MARCHF1: variants seen among roughly 807,000 people sequenced by gnomAD.
MARCHF1 encodes E3 ubiquitin-protein ligase MARCHF1.
A neutral mutation model predicts 54.2 loss-of-function variants in MARCHF1; 40 were observed. The ratio of observed to expected loss-of-function variants is 0.74; its 90% CI spans 0.57 to 0.96. The LOEUF (loss-of-function observed/expected upper bound fraction) is 0.96. Ranked by LOEUF, MARCHF1 falls within the 40% of genes least tolerant of loss-of-function variation. The pLI, the probability that MARCHF1 is intolerant of heterozygous loss-of-function variation, is 0.00. For synonymous variants in MARCHF1, 236 were observed against 236.3 expected, an observed-to-expected ratio of 1.00 and a Z score of 0.01; for missense variants, 586 against 656.5, an observed-to-expected ratio of 0.89 and a Z score of 1.17.
intron 3 of MARCHF1, among the ~76,000 whole-genome samples, chr4:163,880,119 AC>A (rs1750383483): frequency 6.6e-6 from 1 of 151,856 alleles, no homozygotes; most frequent in Non-Finnish European, 1.5e-5. Context: ...TTAACTAAAT[AC>A]TTTCAAAAAT....
intron 1 of MARCHF1, among the ~76,000 whole-genome samples, chr4:164,131,763 T>C (rs886140172): frequency 6.6e-5 from 10 of 152,118 alleles, no homozygotes; most frequent in South Asian, 2.1e-4. Flanking sequence ...ACAGCCACCA[T>C]ATTAATTAGT....
chr4:163,572,805 C>G (rs1373922650), intron 8 of MARCHF1, among the ~76,000 whole-genome samples: 1 of 152,094 alleles, frequency 6.6e-6, no homozygotes, highest in Non-Finnish European at 1.5e-5. Context: ...GGAAAAAATA[C>G]TGGGTATGCA....
chr4:163,724,120 C>T lies in MARCHF1; in HGVS notation c.112-23257G>A, dbSNP rs201700053. Among the ~76,000 whole-genome samples the T allele has an allele frequency of 2.0e-5, 3 of 152,212 alleles. No individual in the cohort carries two copies. In the East Asian group the frequency reaches 5.8e-4, roughly 29 times the overall value. ...GTACTCTAATTTTTAGAATTTTCAG[C>T]TTTTCTGCTCTGTTTTTTCCCCATC... On this transcript the variant is annotated intron_variant, in intron 4 of 9. Coordinates refer to ENST00000514618, the MANE Select transcript of MARCHF1 (RefSeq NM_001394959.1).
intron 1 of MARCHF1, among the ~76,000 whole-genome samples, chr4:164,139,541 C>A (rs141615846): frequency 0.015 from 2,191 of 150,570 alleles, 53 homozygotes; most frequent in African/African-American, 0.05. Flanking sequence ...AGAGAAAGGA[C>A]AACCTTCTGT....
intron 1 of MARCHF1, among the ~76,000 whole-genome samples, chr4:164,184,849 T>A (rs999311296): frequency 1.3e-5 from 2 of 152,134 alleles, no homozygotes; most frequent in Non-Finnish European, 2.9e-5. Flanking sequence ...CAAACCTACA[T>A]AGAGTATGTT....
At chr4:163,696,382 T>C (rs1419086802) in intron 5 of MARCHF1, among the ~76,000 whole-genome samples, 1 of 152,154 alleles carries the variant, frequency 6.6e-6, no homozygotes. Flanking sequence ...AATAATAATG[T>C]TCCATTTCAT....
At chr4:163,688,821 T>C (rs1744352766) in intron 5 of MARCHF1, among the ~76,000 whole-genome samples, 1 of 152,192 alleles carries the variant, frequency 6.6e-6, no homozygotes, top group African/African-American at 2.4e-5. Flanking sequence ...AGACTTTGAA[T>C]GTATGCTCTT....
intron 1 of MARCHF1, among the ~76,000 whole-genome samples, chr4:164,267,270 T>C (rs1292003433): frequency 2.0e-5 from 3 of 152,238 alleles, no homozygotes; most frequent in African/African-American, 2.4e-5. Context: ...TACCCTTATA[T>C]AATCTCTTCC....
chr4:164,137,554 A>T (rs2110843187), intron 1 of MARCHF1, among the ~76,000 whole-genome samples: 1 of 152,306 alleles, frequency 6.6e-6, no homozygotes, highest in African/African-American at 2.4e-5. Flanking sequence ...GCCAAATGCT[A>T]TGGATTAGGT....
At chr4:163,741,179 T>A (rs1197772075) in intron 4 of MARCHF1, among the ~76,000 whole-genome samples, 1 of 152,228 alleles carries the variant, frequency 6.6e-6, no homozygotes, top group Non-Finnish European at 1.5e-5. Context: ...AATTTTCTTA[T>A]ATGTAAAATT....
chr4:164,154,562 GCCA>G (rs1730026695), intron 1 of MARCHF1, among the ~76,000 whole-genome samples: 2 of 152,190 alleles, frequency 1.3e-5, no homozygotes, highest in Non-Finnish European at 2.9e-5. Context: ...TCTCTGTTCA[GCCA>G]CCACAAGCTC....
At chr4:163,576,733 TG>T (rs1740051493) in intron 8 of MARCHF1, among the ~76,000 whole-genome samples, 1 of 152,064 alleles carries the variant, frequency 6.6e-6, no homozygotes, top group African/African-American at 2.4e-5. Context: ...GCTTCAATGT[TG>T]GGAACGTATA....
chr4:164,214,985 C>T (rs1414093683), intron 1 of MARCHF1, among the ~76,000 whole-genome samples: 2 of 152,162 alleles, frequency 1.3e-5, no homozygotes, highest in Non-Finnish European at 2.9e-5. Flanking sequence ...ACGGCAGTGT[C>T]TAGGGGTGAA....
Position 163,528,792 on chromosome 4 carries a change from G to T in MARCHF1, c.1594C>A (p.Leu532Met). The T allele has an allele frequency of 6.2e-7, 1 of 1,612,978 alleles. No individual in the cohort carries two copies. Among genetic ancestry groups the T allele is most frequent in the East Asian group, 2.2e-5 (1 of 44,884 alleles). Residue 532 changes from leucine (L) to methionine (M), a missense_variant, in exon 10 of 10, where the codon CTG (leucine) becomes ATG (methionine). Around this residue, in one of 3 missense-constraint regions of MARCHF1, gnomAD observed 106 missense variants for 93.8 expected, o/e 1.13. Coordinates refer to ENST00000514618, the MANE Select transcript of MARCHF1 (RefSeq NM_001394959.1). Reference protein sequence around the residue: ...VPVPQTGANSLPSAEGGPPEV... With the variant: ...VPVPQTGANSMPSAEGGPPEV... ...GGGGGGCCACCCTCTGCAGATGGCAGTGAATTTGCACCTGTTTGTGGTACA... is the reference window on the plus strand; with the variant it reads ...GGGGGGCCACCCTCTGCAGATGGCATTGAATTTGCACCTGTTTGTGGTACA...
intron 1 of MARCHF1, among the ~76,000 whole-genome samples, chr4:164,305,732 T>C (rs996841346): frequency 2.6e-5 from 4 of 152,146 alleles, no homozygotes; most frequent in Non-Finnish European, 5.9e-5. Flanking sequence ...TAACACACAG[T>C]ATTTTCAAAA....
chr4:164,372,217 A>C (rs1329179488), intron 1 of MARCHF1, among the ~76,000 whole-genome samples: 1 of 152,230 alleles, frequency 6.6e-6, no homozygotes, highest in African/African-American at 2.4e-5. Context: ...AGAATCTTTA[A>C]GTCAATGCAA....
intron 5 of MARCHF1, among the ~76,000 whole-genome samples, chr4:163,637,207 C>T (rs1487443401): frequency 2.0e-5 from 3 of 152,116 alleles, no homozygotes; most frequent in Admixed American, 6.5e-5. Flanking sequence ...TTGTCTAAAA[C>T]ACCAAAAGCA....
chr4:163,798,053 G>A (rs925268472), intron 4 of MARCHF1, among the ~76,000 whole-genome samples: 3 of 152,174 alleles, frequency 2.0e-5, no homozygotes, highest in Admixed American at 2.0e-4. Context: ...GGACTGAACT[G>A]TGTCTTCCTC....
At chr4:163,945,259 T>C (rs1437838469) in intron 3 of MARCHF1, among the ~76,000 whole-genome samples, 1 of 152,186 alleles carries the variant, frequency 6.6e-6, no homozygotes, top group African/African-American at 2.4e-5. Context: ...GGGGTTCTTT[T>C]TCATAAAACC....
Sources: gnomAD v4.1 joint callset for allele counts (sites outside exome capture counted in the v4.1 genomes callset) on GRCh38, gnomAD v4.1.1 for gene constraint, gnomAD v4.1.1 regional missense constraint, MANE v1.5 for transcripts, NCBI Gene and HGNC (gene_info 2026-07-23, HGNC 2026-07-21) for gene names.